LUZP2: variants seen among roughly 807,000 people sequenced by gnomAD.
LUZP2 encodes the protein leucine zipper protein 2.
Under a neutral mutation model 51.6 loss-of-function variants are expected in LUZP2, and 52 were observed. The ratio of observed to expected loss-of-function variants is 1.01; its 90% CI spans 0.81 to 1.27. The LOEUF (loss-of-function observed/expected upper bound fraction) is 1.27, where lower values mean the gene tolerates loss of function less well. LUZP2 is among the 50% of genes most tolerant of loss of function. LUZP2 has a pLI of 0.00. For missense variants in LUZP2, 436 were observed against 395.4 expected (o/e 1.10, Z -0.87); for synonymous variants, 154 against 137.3 (o/e 1.12, Z -0.85).
intron 5 of LUZP2, chr11:24,892,581 T>C: frequency 1.5e-5 from 6 of 399,664 alleles, no homozygotes; most frequent in Non-Finnish European, 2.0e-5. Flanking sequence ...ATGCTATTTC[T>C]AGTCAAGTGC....
At chr11:24,693,232 T>TG (rs1198352463) in intron 1 of LUZP2, among the ~76,000 whole-genome samples, 4 of 151,722 alleles carry the variant, frequency 2.6e-5, no homozygotes, top group African/African-American at 9.7e-5. Flanking sequence ...TTTTTAAGCA[T>TG]GGTTTTTATA....
chr11:24,549,150 A>T (rs1199408702), intron 1 of LUZP2, among the ~76,000 whole-genome samples: 3 of 151,980 alleles, frequency 2.0e-5, no homozygotes, highest in African/African-American at 4.8e-5. Context: ...CTGTACAGAA[A>T]TTTTTTATAT....
At chr11:24,584,484 C>G (rs777890823) in intron 1 of LUZP2, among the ~76,000 whole-genome samples, 32 of 152,166 alleles carry the variant, frequency 2.1e-4, no homozygotes, top group Non-Finnish European at 3.5e-4. Flanking sequence ...TATATCTGAT[C>G]TATTGCTTCC....
intron 9 of LUZP2, among the ~76,000 whole-genome samples, chr11:25,043,560 G>GGACATATGTATCCAGGATATATGA (rs1858146541): frequency 2.0e-5 from 3 of 149,418 alleles, no homozygotes; most frequent in Non-Finnish European, 4.4e-5. Flanking sequence ...AGCTCTGCAA[G>GGACATATGTATCCAGGATATATGA]GATATATGTA....
Position 24,741,931 on chromosome 11 carries a change from A to C in LUZP2, c.333+3629A>C, listed in dbSNP as rs370844798. On this transcript the variant is annotated intron_variant, in intron 4 of 11. Transcript: ENST00000336930. ...TATATAATATATACATTTATATATTATATATAAATATATACATTTATATAT... is the reference window on the plus strand; with the variant it reads ...TATATAATATATACATTTATATATTCTATATAAATATATACATTTATATAT... Among the ~76,000 whole-genome samples, 6 of 17,212 alleles carry C rather than the reference A, an allele frequency of 3.5e-4. No homozygotes were observed. The South Asian group carries it at 0.012, about 35-fold the overall frequency. The allele number at this position is 17,212 out of a possible 152,430, so 11.3% of individuals were successfully genotyped here. A position where few individuals can be genotyped will look rare whatever the true frequency, so the allele number is the denominator to read the frequency against.
chr11:24,871,736 A>T (rs1852082207), intron 5 of LUZP2, among the ~76,000 whole-genome samples: 1 of 152,148 alleles, frequency 6.6e-6, no homozygotes, highest in African/African-American at 2.4e-5. Flanking sequence ...TACAGTAAAA[A>T]AAAAATGTTT....
At chr11:24,880,173 A>T (rs1009070154) in intron 5 of LUZP2, among the ~76,000 whole-genome samples, 2 of 152,190 alleles carry the variant, frequency 1.3e-5, no homozygotes, top group Non-Finnish European at 2.9e-5. Flanking sequence ...GGACTGGTTT[A>T]ATACTCCCCC....
At chr11:24,928,899 G>A (rs950908205) in intron 7 of LUZP2, among the ~76,000 whole-genome samples, 3 of 151,832 alleles carry the variant, frequency 2.0e-5, no homozygotes, top group Admixed American at 6.6e-5. Context: ...TACAATTTCC[G>A]TTTCACTGCT....
At chr11:25,041,271 C>T (rs1858048791) in intron 9 of LUZP2, among the ~76,000 whole-genome samples, 1 of 151,934 alleles carries the variant, frequency 6.6e-6, no homozygotes, top group Admixed American at 6.6e-5. Flanking sequence ...AAATTAGGCA[C>T]AGTAAGATAT....
chr11:24,974,668 A>G (rs1191846974), intron 7 of LUZP2, among the ~76,000 whole-genome samples: 6 of 152,210 alleles, frequency 3.9e-5, no homozygotes, highest in Non-Finnish European at 4.4e-5. Context: ...TAACCCATAT[A>G]GATATGGCTT....
At chr11:24,923,378 A>G in intron 7 of LUZP2, among the ~76,000 whole-genome samples, 1 of 151,630 alleles carries the variant, frequency 6.6e-6, no homozygotes, top group South Asian at 2.1e-4. Flanking sequence ...ACTGCCTCCC[A>G]TTTTGTCTTG....
At chr11:24,617,098 T>A (rs11028068) in intron 1 of LUZP2, among the ~76,000 whole-genome samples, 33,853 of 152,128 alleles carry the variant, frequency 0.22, 4,681 homozygotes, top group African/African-American at 0.38. Context: ...AGGTAGTAGA[T>A]GTTTCATCAT....
At chr11:24,756,536 C>T (rs1859781526) in intron 4 of LUZP2, among the ~76,000 whole-genome samples, 1 of 152,118 alleles carries the variant, frequency 6.6e-6, no homozygotes, top group South Asian at 2.1e-4. Flanking sequence ...GTTCTTCACC[C>T]CCTGCTCTTT....
intron 9 of LUZP2, among the ~76,000 whole-genome samples, chr11:24,992,097 A>T (rs1483823067): frequency 2.0e-5 from 3 of 151,918 alleles, no homozygotes; most frequent in African/African-American, 7.2e-5. Flanking sequence ...TATTGTATTT[A>T]TATGGCATTT....
At chr11:24,603,405 C>CGGAA (rs1366483925) in intron 1 of LUZP2, among the ~76,000 whole-genome samples, 1 of 151,754 alleles carries the variant, frequency 6.6e-6, no homozygotes, top group Non-Finnish European at 1.5e-5. Flanking sequence ...TTATGTAAGC[C>CGGAA]TTCCAGATGT....
intron 1 of LUZP2, among the ~76,000 whole-genome samples, chr11:24,664,630 G>T (rs1025871593): frequency 6.6e-6 from 1 of 152,130 alleles, no homozygotes; most frequent in Non-Finnish European, 1.5e-5. Context: ...CTCTGGACAT[G>T]GTGCCCTGAA....
Position 24,714,268 on chromosome 11 carries a change from C to A in LUZP2, c.63-14901C>A, listed in dbSNP as rs567791289. 3.9e-5 allele frequency among the ~76,000 whole-genome samples: 6 copies of A among 151,900 alleles called. No homozygotes were observed. In the East Asian group the frequency reaches 7.8e-4, roughly 20 times the overall value. On this transcript the variant is annotated intron_variant, in intron 1 of 11. Transcript: ENST00000336930. ...GGCACACGTATACCTATGTAACAAA[C>A]CTGCATGTTCTCTATCCCAGATTTT...
At chr11:24,885,073 CAGAG>C (rs1206659906) in intron 5 of LUZP2, among the ~76,000 whole-genome samples, 1 of 151,994 alleles carries the variant, frequency 6.6e-6, no homozygotes, top group African/African-American at 2.4e-5. Context: ...GCAAATCAGA[CAGAG>C]AGACATATCA....
chr11:24,511,379 CT>C (rs1850305775), intron 1 of LUZP2, among the ~76,000 whole-genome samples: 1 of 151,728 alleles, frequency 6.6e-6, no homozygotes, highest in Non-Finnish European at 1.5e-5. Context: ...AAGCTGGTGT[CT>C]GTCGCTACAA....
Sources: allele counts gnomAD v4.1 joint callset (sites outside exome capture counted in the v4.1 genomes callset), GRCh38; gene constraint gnomAD v4.1.1; transcripts MANE v1.5; gene names NCBI Gene and HGNC (gene_info 2026-07-23, HGNC 2026-07-21).